The following PRLR variants were observed in gnomAD, a reference collection of about 807,000 sequenced individuals.
PRLR encodes hPRL receptor.
A neutral mutation model predicts 40.2 loss-of-function variants in PRLR; 13 were observed. The ratio of observed to expected loss-of-function variants is 0.32; its 90% CI spans 0.21 to 0.51. The LOEUF (loss-of-function observed/expected upper bound fraction) is 0.51, where lower values mean the gene tolerates loss of function less well. Among genes scored for constraint, PRLR ranks in the 20% least tolerant of loss-of-function variants. The pLI is 0.97. For missense variants in PRLR, 656 were observed against 747.3 expected (o/e 0.88, Z 1.42); for synonymous variants, 269 against 278.7 (o/e 0.97, Z 0.35).
At chr5:35,199,652 T>C (rs551280903) in intron 1 of PRLR, among the ~76,000 whole-genome samples, 22 of 152,280 alleles carry the variant, frequency 1.4e-4, no homozygotes, top group African/African-American at 5.3e-4. Context: ...CTAAATAAAA[T>C]CTGATTATTA....
chr5:35,066,790 G>A (rs1204138317), intron 9 of PRLR, among the ~76,000 whole-genome samples: 2 of 130,948 alleles, frequency 1.5e-5, no homozygotes, highest in Non-Finnish European at 3.1e-5. Flanking sequence ...TTGAGACGGA[G>A]TCTCGCTCTG....
chr5:35,204,049 A>G lies in PRLR; in HGVS notation c.-106+26219T>C, dbSNP rs565898510. ...ACAAGAAAAAATCATTGTGGGAGGG[A>G]CATGTGTGTTTCTTAGAAATATTGT... is the stretch of plus-strand genomic sequence containing the variant. On this transcript the variant is annotated intron_variant, in intron 1 of 9. Transcript: ENST00000618457. 3.4e-3 allele frequency among the ~76,000 whole-genome samples: 524 copies of G among 152,216 alleles called. 3 individuals are homozygous for G. The highest frequency in any genetic ancestry group is 0.012 in the African/African-American group (501 of 41,520).
intron 5 of PRLR, among the ~76,000 whole-genome samples, chr5:35,074,345 C>T (rs1769931543): frequency 6.6e-6 from 1 of 151,794 alleles, no homozygotes; most frequent in South Asian, 2.1e-4. Flanking sequence ...ACCTGTAGTT[C>T]CAGCTACTTG....
intron 1 of PRLR, among the ~76,000 whole-genome samples, chr5:35,222,047 G>C (rs1776435749): frequency 6.6e-6 from 1 of 152,212 alleles, no homozygotes; most frequent in Non-Finnish European, 1.5e-5. Context: ...GCTCATGCCT[G>C]TAATCCCAGC....
downstream of PRLR, among the ~76,000 whole-genome samples, chr5:35,053,325 T>C (rs1179464859): frequency 6.6e-6 from 1 of 151,970 alleles, no homozygotes; most frequent in East Asian, 1.9e-4. Flanking sequence ...TTAATTAGAG[T>C]TCAGTAAGGT....
chr5:35,071,340 G>A (rs921599451), intron 6 of PRLR, among the ~76,000 whole-genome samples: 8 of 152,204 alleles, frequency 5.3e-5, no homozygotes, highest in African/African-American at 1.9e-4. Context: ...ACAATGTGTG[G>A]TCTACGAGCA....
intron 3 of PRLR, among the ~76,000 whole-genome samples, chr5:35,087,459 G>GA (rs1770930999): frequency 8.0e-6 from 1 of 124,336 alleles, no homozygotes; most frequent in Non-Finnish European, 1.6e-5. Flanking sequence ...TGTGTGTGTG[G>GA]TGAGGTTGCA....
At chr5:35,068,383 A>G (rs1326676829) in intron 8 of PRLR, 98 bp from the exon 9 acceptor site, 2 of 1,062,924 alleles carry the variant, frequency 1.9e-6, no homozygotes, top group Non-Finnish European at 1.4e-6. Flanking sequence ...TGTGATAGAG[A>G]TAGGACTTGG....
chr5:35,165,898 G>A (rs1774809582), intron 1 of PRLR, among the ~76,000 whole-genome samples: 1 of 152,184 alleles, frequency 6.6e-6, no homozygotes, highest in Non-Finnish European at 1.5e-5. Context: ...GGAGAAACCT[G>A]GGACTTGTTA....
chr5:35,172,781 G>A (rs1775039242), intron 1 of PRLR, among the ~76,000 whole-genome samples: 1 of 152,184 alleles, frequency 6.6e-6, no homozygotes, highest in East Asian at 1.9e-4. Flanking sequence ...CTTTGTGTCT[G>A]TTTTTACTGC....
chr5:35,094,028 C>T (rs1771380403), intron 2 of PRLR, among the ~76,000 whole-genome samples: 2 of 152,178 alleles, frequency 1.3e-5, no homozygotes, highest in South Asian at 4.1e-4. Context: ...TGACACATTT[C>T]TCAGAACTTA....
intron 1 of PRLR, among the ~76,000 whole-genome samples, 195 bp downstream of exon 1, chr5:35,230,073 G>C (rs1776659665): frequency 6.6e-6 from 1 of 151,864 alleles, no homozygotes; most frequent in African/African-American, 2.4e-5. Flanking sequence ...CCGGGCGGGA[G>C]GCGGGCGGAT....
chr5:35,228,879 G>T (rs1011951382), intron 1 of PRLR, among the ~76,000 whole-genome samples: 1 of 151,964 alleles, frequency 6.6e-6, no homozygotes, highest in African/African-American at 2.4e-5. Flanking sequence ...GAGGAATAAG[G>T]GATTGTCACC....
intron 1 of PRLR, among the ~76,000 whole-genome samples, chr5:35,124,417 A>G (rs1414592279): frequency 6.6e-6 from 1 of 152,120 alleles, no homozygotes; most frequent in African/African-American, 2.4e-5. Flanking sequence ...GGGGTTAGCA[A>G]CTTGGATCAG....
chr5:35,137,333 G>A (rs776468131), intron 1 of PRLR, among the ~76,000 whole-genome samples: 10 of 151,738 alleles, frequency 6.6e-5, no homozygotes, highest in Non-Finnish European at 1.5e-4. Flanking sequence ...TTTTTAAGCA[G>A]CATAACTTTC....
chr5:35,092,177 C>T (rs1453448724), intron 2 of PRLR, among the ~76,000 whole-genome samples: 1 of 152,082 alleles, frequency 6.6e-6, no homozygotes, highest in Non-Finnish European at 1.5e-5. Flanking sequence ...AGGAAGTATT[C>T]TATGAATGAA....
intron 1 of PRLR, among the ~76,000 whole-genome samples, chr5:35,229,802 A>G (rs1277692852): frequency 6.6e-6 from 1 of 151,872 alleles, no homozygotes; most frequent in Non-Finnish European, 1.5e-5. Context: ...GAGAGTCTCG[A>G]GTCCGGCTTT....
intron 5 of PRLR, among the ~76,000 whole-genome samples, chr5:35,075,445 A>C (rs886893909): frequency 6.6e-6 from 1 of 152,160 alleles, no homozygotes; most frequent in African/African-American, 2.4e-5. Context: ...CACTGCTAGC[A>C]CAGCAGTCTG....
chr5:35,102,038 C>T (rs531698434), intron 2 of PRLR, among the ~76,000 whole-genome samples: 5 of 152,036 alleles, frequency 3.3e-5, no homozygotes, highest in African/African-American at 1.2e-4. Context: ...CCCTGTTGGC[C>T]GGGGTGGTCT....
Sources: allele counts gnomAD v4.1 joint callset (sites outside exome capture counted in the v4.1 genomes callset), GRCh38; gene constraint gnomAD v4.1.1; transcripts MANE v1.5; gene names NCBI Gene and HGNC (gene_info 2026-07-23, HGNC 2026-07-21).